The following PTPRO variants were observed in gnomAD, a reference collection of about 807,000 sequenced individuals.
PTPRO encodes receptor-type tyrosine-protein phosphatase O.
In PTPRO, 62 loss-of-function variants were observed where a neutral mutation model predicts 145.2. The ratio of observed to expected loss-of-function variants is 0.43; its 90% confidence interval spans 0.35 to 0.53. The LOEUF (loss-of-function observed/expected upper bound fraction) is 0.53, where lower values mean the gene tolerates loss of function less well. Ranked by LOEUF, PTPRO falls within the 20% of genes least tolerant of loss-of-function variation. The pLI, the probability that PTPRO is intolerant of heterozygous loss-of-function variation, is 0.01. For missense variants in PTPRO, 1,345 were observed against 1,482.7 expected, an observed-to-expected ratio of 0.91 and a Z score of 1.53; for synonymous variants, 565 against 514.7, an observed-to-expected ratio of 1.10 and a Z score of -1.32.
At chr12:15,529,641 C>A (rs922212440) in intron 12 of PTPRO, among the ~76,000 whole-genome samples, 1 of 151,990 alleles carries the variant, frequency 6.6e-6, no homozygotes, top group East Asian at 1.9e-4. Flanking sequence ...CAGAGCAAGA[C>A]CCCCATCTTA....
intron 1 of PTPRO, among the ~76,000 whole-genome samples, chr12:15,347,694 G>A: frequency 6.6e-6 from 1 of 152,268 alleles, no homozygotes; most frequent in East Asian, 1.9e-4. Flanking sequence ...TAACAAAAAA[G>A]GACTGAACCA....
intron 12 of PTPRO, 109 bp from the exon 13 acceptor site, chr12:15,546,460 T>C: frequency 6.5e-7 from 1 of 1,528,674 alleles, no homozygotes; most frequent in Non-Finnish European, 8.8e-7. Context: ...TTTATGGTGC[T>C]CTTACCTACC....
chr12:15,375,540 G>A (rs889514968), intron 1 of PTPRO, among the ~76,000 whole-genome samples: 4 of 151,952 alleles, frequency 2.6e-5, no homozygotes, highest in Non-Finnish European at 2.9e-5. Flanking sequence ...GGTGGATCAC[G>A]AGGTCAGCAG....
rs548545391 is a variant in PTPRO, at chr12:15,365,280, G to A, written c.75+42479G>A. ...CCATATTTGGCCAGTCCACATGATC[G>A]TCCAATGTATGTAAGTGAGACTCAA... On this transcript the variant is annotated intron_variant, in intron 1 of 26. Transcript: ENST00000281171. Among the ~76,000 whole-genome samples the A allele has an allele frequency of 4.4e-4, 67 of 152,136 alleles. 1 individual carries two copies. Among genetic ancestry groups the A allele is most frequent in the Admixed American group, 1.2e-3 (19 of 15,260 alleles).
At chr12:15,529,982 T>A (rs1230338493) in intron 12 of PTPRO, among the ~76,000 whole-genome samples, 2 of 152,100 alleles carry the variant, frequency 1.3e-5, no homozygotes, top group Non-Finnish European at 2.9e-5. Flanking sequence ...GAAACCCACT[T>A]CACCTGTAAA....
chr12:15,358,416 T>A (rs1373407999), intron 1 of PTPRO, among the ~76,000 whole-genome samples: 1 of 152,282 alleles, frequency 6.6e-6, no homozygotes, highest in African/African-American at 2.4e-5. Context: ...TATGCATTCC[T>A]GAGCCTAATT....
chr12:15,550,851 T>C (rs74063867), intron 14 of PTPRO, among the ~76,000 whole-genome samples: 1,686 of 152,292 alleles, frequency 0.011, 30 homozygotes, highest in African/African-American at 0.038. Context: ...TGATATCCTG[T>C]TCTTCCGTGT....
chr12:15,507,199 G>T (rs1350612989), intron 6 of PTPRO, among the ~76,000 whole-genome samples: 1 of 152,026 alleles, frequency 6.6e-6, no homozygotes, highest in Non-Finnish European at 1.5e-5. Context: ...GATCACCTGA[G>T]GTCAGGAGTT....
intron 1 of PTPRO, among the ~76,000 whole-genome samples, chr12:15,469,353 C>A (rs1468381071): frequency 6.6e-6 from 1 of 152,176 alleles, no homozygotes; most frequent in East Asian, 1.9e-4. Flanking sequence ...GTTTCAGAGG[C>A]AGAATGAACC....
At chr12:15,490,960 A>C (rs1189577682) in intron 2 of PTPRO, among the ~76,000 whole-genome samples, 1 of 152,210 alleles carries the variant, frequency 6.6e-6, no homozygotes, top group Non-Finnish European at 1.5e-5. Flanking sequence ...ATAATTTAGA[A>C]AGTTGTTGAA....
intron 3 of PTPRO, among the ~76,000 whole-genome samples, chr12:15,498,083 G>A (rs1438982738): frequency 1.3e-5 from 2 of 151,888 alleles, no homozygotes; most frequent in East Asian, 3.9e-4. Flanking sequence ...ATCGGGTGGG[G>A]GTGGGAGGTA....
At chr12:15,351,826 C>G (rs1937811874) in intron 1 of PTPRO, among the ~76,000 whole-genome samples, 1 of 152,094 alleles carries the variant, frequency 6.6e-6, no homozygotes, top group Non-Finnish European at 1.5e-5. Context: ...TAGAGATTTT[C>G]TCTGCCAAAA....
chr12:15,510,072 G>C (rs1442505603), intron 7 of PTPRO, among the ~76,000 whole-genome samples: 1 of 152,164 alleles, frequency 6.6e-6, no homozygotes, highest in East Asian at 1.9e-4. Flanking sequence ...TTCTTGTGGA[G>C]TACGTTGGAA....
intron 1 of PTPRO, among the ~76,000 whole-genome samples, chr12:15,475,600 T>TA (rs1027326129): frequency 3.9e-5 from 6 of 152,070 alleles, no homozygotes; most frequent in African/African-American, 1.2e-4. Context: ...ACGTTTAGTA[T>TA]AAAAAATGTA....
At chr12:15,555,173 G>A (rs1001121194) in intron 15 of PTPRO, among the ~76,000 whole-genome samples, 1 of 152,256 alleles carries the variant, frequency 6.6e-6, no homozygotes, top group East Asian at 1.9e-4. Context: ...GGGGGGCGGA[G>A]GTTGCAGTGA....
intron 1 of PTPRO, among the ~76,000 whole-genome samples, chr12:15,370,740 A>C (rs1231022108): frequency 1.3e-5 from 2 of 152,222 alleles, no homozygotes; most frequent in African/African-American, 4.8e-5. Flanking sequence ...GAAAATATGC[A>C]TATATTTAAT....
At chr12:15,552,826 G>A (rs1028818152) in intron 15 of PTPRO, among the ~76,000 whole-genome samples, 1 of 109,574 alleles carries the variant, frequency 9.1e-6, no homozygotes, top group Non-Finnish European at 1.7e-5. Context: ...TTGAGACAGA[G>A]TCTCACTCTG....
intron 23 of PTPRO, among the ~76,000 whole-genome samples, chr12:15,586,156 C>T (rs1341045163): frequency 6.6e-6 from 1 of 152,144 alleles, no homozygotes; most frequent in East Asian, 1.9e-4. Flanking sequence ...GAGTCAAGTC[C>T]TCTAGTATCA....
chr12:15,450,126 C>T (rs1252807276), intron 1 of PTPRO, among the ~76,000 whole-genome samples: 1 of 151,882 alleles, frequency 6.6e-6, no homozygotes, highest in Admixed American at 6.5e-5. Flanking sequence ...TGCTAGTTCT[C>T]TAAGCGATGC....
Sources: gnomAD v4.1 joint callset for allele counts (sites outside exome capture counted in the v4.1 genomes callset) on GRCh38, gnomAD v4.1.1 for gene constraint, MANE v1.5 for transcripts, NCBI Gene and HGNC (gene_info 2026-07-23, HGNC 2026-07-21) for gene names.